OLA1: variants seen among roughly 807,000 people sequenced by gnomAD.
OLA1 encodes the protein Obg like ATPase 1.
In OLA1, 14 loss-of-function variants were observed where a neutral mutation model predicts 48.4. The ratio of observed to expected loss-of-function variants is 0.29; its 90% CI spans 0.19 to 0.45. The LOEUF is 0.45. OLA1 is among the 20% of genes least tolerant of loss of function. The pLI, the probability that OLA1 is intolerant of heterozygous loss-of-function variation, is 1.00. For missense variants in OLA1, 325 were observed against 467.1 expected, an observed-to-expected ratio of 0.70 and a Z score of 2.80; for synonymous variants, 127 against 150.4, an observed-to-expected ratio of 0.84 and a Z score of 1.14.
chr2:174,079,048 C>A lies in OLA1; in HGVS notation c.1009G>T (p.Asp337Tyr). The A allele has an allele frequency of 6.2e-7, 1 of 1,604,772 alleles. No homozygotes were observed. Among genetic ancestry groups the A allele is most frequent in the Non-Finnish European group, 8.5e-7 (1 of 1,175,656 alleles). Residue 337 changes from aspartate to tyrosine, a missense_variant, in exon 10 of 11, where the codon GAT (aspartate) becomes TAT (tyrosine). Asp to Tyr is a radical substitution (Grantham distance 160). Transcript: ENST00000284719. ...APQAAGKIHT[D>Y]FEKGFIMAEV... Reference sequence around the variant, plus strand: ...GCCATAATGAATCCCTTTTCAAAATCTGTGTGAATCTTTCCTGCAGCCTGA... The same window carrying A: ...GCCATAATGAATCCCTTTTCAAAATATGTGTGAATCTTTCCTGCAGCCTGA...
intron 2 of OLA1, chr2:174,240,050 C>T (rs1688958763): frequency 6.6e-6 from 1 of 152,106 alleles, no homozygotes; most frequent in Non-Finnish European, 1.5e-5. Context: ...TTAGGGGATC[C>T]AAGCAGAGGT....
At chr2:174,101,825 T>C (rs1386757501) in intron 7 of OLA1, among the ~76,000 whole-genome samples, 1 of 152,138 alleles carries the variant, frequency 6.6e-6, no homozygotes, top group Non-Finnish European at 1.5e-5. Context: ...GAAAAAAACA[T>C]GAAACTTGAT....
intron 3 of OLA1, among the ~76,000 whole-genome samples, chr2:174,226,565 T>C (rs1372600881): frequency 1.3e-5 from 2 of 152,092 alleles, no homozygotes; most frequent in South Asian, 4.1e-4. Context: ...AATGGCGCCA[T>C]CTTGGCTCAC....
intron 2 of OLA1, among the ~76,000 whole-genome samples, chr2:174,231,673 A>C (rs1346107952): frequency 6.6e-6 from 1 of 152,216 alleles, no homozygotes; most frequent in Non-Finnish European, 1.5e-5. Flanking sequence ...TAGAAGACAA[A>C]TATCCATATT....
chr2:174,182,672 T>C (rs2105415141), intron 4 of OLA1, among the ~76,000 whole-genome samples: 1 of 152,346 alleles, frequency 6.6e-6, no homozygotes, highest in East Asian at 1.9e-4. Context: ...GTGGTCATAA[T>C]TAGACAGAAA....
chr2:174,218,961 C>G (rs67910840), intron 4 of OLA1, among the ~76,000 whole-genome samples: 17,744 of 150,960 alleles, frequency 0.12, 2,321 homozygotes, highest in East Asian at 0.72. Context: ...GCTGGAACTA[C>G]AAGGCACAGG....
intron 4 of OLA1, among the ~76,000 whole-genome samples, chr2:174,155,217 T>C (rs568948710): frequency 6.6e-6 from 1 of 152,242 alleles, no homozygotes; most frequent in East Asian, 1.9e-4. Flanking sequence ...ACAAGGGCCC[T>C]GATCAGAGCT....
rs1316321220 is a variant in OLA1, at chr2:174,073,745, T to C, written c.*1681A>G. On this transcript the variant is annotated 3_prime_UTR_variant, in exon 11 of 11. Transcript: ENST00000284719. The stretch of plus-strand genomic sequence containing the variant: ...TGGAGAAGACCCAAAAGCAAGATAT[T>C]TGATTCTTTCTTATACTGCTGAAAT... The C allele has an allele frequency of 6.6e-6, 1 of 152,214 alleles. No individual in the cohort carries two copies. Among genetic ancestry groups the C allele is most frequent in the Non-Finnish European group, 1.5e-5 (1 of 68,044 alleles). The allele number at this position is 152,214 out of a possible 1,614,324, so 9.4% of individuals were successfully genotyped here.
At chr2:174,135,954 C>G (rs911483476) in intron 5 of OLA1, among the ~76,000 whole-genome samples, 1 of 152,198 alleles carries the variant, frequency 6.6e-6, no homozygotes, top group Non-Finnish European at 1.5e-5. Flanking sequence ...ATGAGTTATG[C>G]TTAAACTATA....
intron 2 of OLA1, among the ~76,000 whole-genome samples, chr2:174,238,661 A>C (rs1254470017): frequency 2.0e-5 from 3 of 152,180 alleles, no homozygotes; most frequent in Non-Finnish European, 4.4e-5. Flanking sequence ...ACAGTTTGGC[A>C]GTCCTCAATA....
intron 5 of OLA1, among the ~76,000 whole-genome samples, chr2:174,133,505 C>G (rs1686231653): frequency 1.3e-5 from 2 of 152,196 alleles, no homozygotes; most frequent in African/African-American, 4.8e-5. Flanking sequence ...GGATTACAGG[C>G]ATGTGCCAGA....
chr2:174,120,271 C>A (rs1003261043), intron 7 of OLA1, among the ~76,000 whole-genome samples: 5 of 152,090 alleles, frequency 3.3e-5, no homozygotes, highest in African/African-American at 1.2e-4. Flanking sequence ...ACCTGCTTGA[C>A]ACCATGACTC....
At position 174,075,274 on chromosome 2, in the gene OLA1, T is replaced by G; in HGVS notation, c.*152A>C. ...TTCATGGGGGGGGGGGGGTACACAGTATTTTAATTTTAAAACAAATAAAAA... is the reference window on the plus strand; with the variant it reads ...TTCATGGGGGGGGGGGGGTACACAGGATTTTAATTTTAAAACAAATAAAAA... On this transcript the variant is annotated 3_prime_UTR_variant, in exon 11 of 11. Coordinates refer to ENST00000284719, the MANE Select transcript of OLA1 (RefSeq NM_013341.5). 1.9e-6 allele frequency: 1 copy of G among 526,308 alleles called. No homozygotes were observed. The highest frequency in any genetic ancestry group is 3.4e-6 in the Non-Finnish European group (1 of 292,558). 32.6% of individuals were successfully genotyped at this position (526,308 alleles called of 1,614,324 possible). A position where few individuals can be genotyped will look rare whatever the true frequency, so the allele number is the denominator to read the frequency against.
At chr2:174,145,669 T>C (rs1474423372) in intron 4 of OLA1, among the ~76,000 whole-genome samples, 1 of 152,238 alleles carries the variant, frequency 6.6e-6, no homozygotes, top group Non-Finnish European at 1.5e-5. Flanking sequence ...TTTATTTTTA[T>C]TAGCTTCAAT....
chr2:174,112,890 A>C (rs1375095699), intron 7 of OLA1, among the ~76,000 whole-genome samples: 1 of 152,014 alleles, frequency 6.6e-6, no homozygotes, highest in Admixed American at 6.6e-5. Flanking sequence ...ATATTCTCTC[A>C]TTTCCCTATT....
intron 5 of OLA1, among the ~76,000 whole-genome samples, chr2:174,132,845 T>G (rs562796891): frequency 6.6e-6 from 1 of 152,328 alleles, no homozygotes; most frequent in African/African-American, 2.4e-5. Flanking sequence ...ATATGTCAAT[T>G]AGGTCAAATT....
At chr2:174,094,793 A>G (rs1685207132) in intron 7 of OLA1, among the ~76,000 whole-genome samples, 1 of 152,192 alleles carries the variant, frequency 6.6e-6, no homozygotes, top group Non-Finnish European at 1.5e-5. Flanking sequence ...CTAAAACTCT[A>G]TAGCCATTGA....
intron 2 of OLA1, among the ~76,000 whole-genome samples, chr2:174,237,854 C>A (rs1688894829): frequency 6.6e-6 from 1 of 152,174 alleles, no homozygotes; most frequent in Non-Finnish European, 1.5e-5. Context: ...ATATGCTATA[C>A]TTTTATATGA....
At chr2:174,134,381 T>C (rs1686253004) in intron 5 of OLA1, among the ~76,000 whole-genome samples, 1 of 152,238 alleles carries the variant, frequency 6.6e-6, no homozygotes, top group Non-Finnish European at 1.5e-5. Flanking sequence ...TTTGTGTAAT[T>C]ATAAATCTGG....
Sources: allele counts gnomAD v4.1 joint callset (sites outside exome capture counted in the v4.1 genomes callset), GRCh38; gene constraint gnomAD v4.1.1; transcripts MANE v1.5; gene names NCBI Gene and HGNC (gene_info 2026-07-23, HGNC 2026-07-21).